Variants in ATP5F1A observed in about 807,000 individuals in gnomAD.
ATP5F1A encodes ATP synthase F(1) complex subunit alpha, mitochondrial.
In ATP5F1A, 24 loss-of-function variants were observed where a neutral mutation model predicts 57.4. That is an observed-to-expected ratio of 0.42 (90% CI 0.30 to 0.59). ATP5F1A has a LOEUF of 0.59. Ranked by LOEUF, ATP5F1A falls within the 20% of genes least tolerant of loss-of-function variation. ATP5F1A has a pLI of 0.19. For missense variants in ATP5F1A, 494 were observed against 707.9 expected, an observed-to-expected ratio of 0.70 and a Z score of 3.43; for synonymous variants, 251 against 255.5, an observed-to-expected ratio of 0.98 and a Z score of 0.17.
rs752749812 is a variant in ATP5F1A, at chr18:46,086,118, T to C, written c.1424A>G (p.Gln475Arg). 4.3e-6 allele frequency: 7 copies of C among 1,612,068 alleles called. No homozygotes were observed. The highest frequency in any genetic ancestry group is 5.1e-6 in the Non-Finnish European group (6 of 1,179,984). ...TGAAGAAAAGAACAACTTACAATAC[T>C]GTCCTTGCTTCAGCAACTCAGTTAG... Reference protein sequence around the residue: ...VRLTELLKQGQYSPMAIEEQV... With the variant: ...VRLTELLKQGRYSPMAIEEQV... The change falls in exon 10 of 12, where the codon CAG (glutamine) becomes CGG (arginine). Residue 475 changes from glutamine (Q) to arginine (R), a missense_variant. By Grantham distance (43) the Gln-to-Arg change is conservative. Around this residue, in one of 6 missense-constraint regions of ATP5F1A, gnomAD observed 127 missense variants for 195.2 expected, o/e 0.65. Coordinates refer to ENST00000398752, the MANE Select transcript of ATP5F1A (RefSeq NM_004046.6).
upstream of ATP5F1A, among the ~76,000 whole-genome samples, chr18:46,100,121 G>A (rs1568257955): frequency 1.3e-5 from 2 of 151,602 alleles, no homozygotes; most frequent in Admixed American, 6.6e-5. Context: ...CATGGGGGCG[G>A]GCACCTGTAA....
Position 46,091,773 on chromosome 18 carries a change from C to T in ATP5F1A, c.218G>A (p.Arg73His). The T allele has an allele frequency of 8.1e-6, 13 of 1,613,932 alleles. No homozygotes were observed. The highest frequency in any genetic ancestry group is 5.5e-5 in the South Asian group (5 of 91,080). The stretch of plus-strand genomic sequence containing the variant: ...AATACCATCACCAATACTTAAGACA[C>T]GCCCAGTTTCTTCAAGATCAACAGA... Reference protein sequence around the residue: ...DTSVDLEETGRVLSIGDGIAR... With the variant: ...DTSVDLEETGHVLSIGDGIAR... Residue 73 changes from arginine to histidine, a missense_variant, in exon 3 of 12, where the codon CGT (arginine) becomes CAT (histidine). Physicochemically the swap from Arg to His is conservative, Grantham distance 29. Around this residue, in one of 6 missense-constraint regions of ATP5F1A, gnomAD observed 142 missense variants for 137.5 expected, o/e 1.03. Coordinates refer to ENST00000398752, the MANE Select transcript of ATP5F1A (RefSeq NM_004046.6).
chr18:46,100,251 T>TAAAAAAAAAAAAAAAAAAA (rs34683117), upstream of ATP5F1A, among the ~76,000 whole-genome samples: 2 of 68,666 alleles, frequency 2.9e-5, no homozygotes, highest in African/African-American at 5.4e-5. Flanking sequence ...AAACTCCATC[T>TAAAAAAAAAAAAAAAAAAA]AAAAAAAAAA....
At chr18:46,089,209 A>G (rs565153176) in intron 5 of ATP5F1A, among the ~76,000 whole-genome samples, 1 of 152,158 alleles carries the variant, frequency 6.6e-6, no homozygotes, top group African/African-American at 2.4e-5. Context: ...TTCTTTCTCT[A>G]TACTTTGTAT....
intron 3 of ATP5F1A, 55 bp from the exon 4 acceptor site, chr18:46,090,051 T>C: frequency 1.5e-6 from 1 of 645,560 alleles, no homozygotes; most frequent in Non-Finnish European, 2.1e-6. Context: ...CTCCTCCCCA[T>C]ACACCAATAC....
rs1909909791 is a variant in ATP5F1A at position 46,084,060 on chromosome 18, C to T, written c.*222G>A. 2 of 403,472 alleles carry T rather than the reference C, an allele frequency of 5.0e-6. No homozygotes were observed. Among genetic ancestry groups the T allele is most frequent in the Non-Finnish European group, 8.8e-6 (2 of 227,878 alleles). The allele number at this position is 403,472 out of a possible 1,614,324, so 25.0% of individuals were successfully genotyped here. ...TAGCCCAGTTGACTGTACCAATATT[C>T]AAGTAAAATAGATCAAGAAGCATTT... On this transcript the variant is annotated 3_prime_UTR_variant, in exon 12 of 12. Transcript: ENST00000398752.
At chr18:46,086,035 T>A in intron 10 of ATP5F1A, 78 bp downstream of exon 10, 1 of 1,481,034 alleles carries the variant, frequency 6.8e-7, no homozygotes. Context: ...GGCCGTGATA[T>A]GTGATGCAGC....
In ATP5F1A at chr18:46,088,269, G is replaced by A. The variant is rs1244766535; in HGVS notation, c.651-12C>T. 1.9e-6 allele frequency: 3 copies of A among 1,564,890 alleles called. No homozygotes were observed. Among genetic ancestry groups the A allele is most frequent in the Non-Finnish European group, 2.6e-6 (3 of 1,164,126 alleles). ...CAATTGAGGTTTTCCTTTAAAAAGAGAAAGTAAATATAAATCTTCCTAAAC... is the reference window on the plus strand; with the variant it reads ...CAATTGAGGTTTTCCTTTAAAAAGAAAAAGTAAATATAAATCTTCCTAAAC... On this transcript the variant is annotated splice_polypyrimidine_tract_variant and intron_variant, in intron 5 of 11. Transcript: ENST00000398752.
At chr18:46,100,430 G>C (rs1005197270), upstream of ATP5F1A, among the ~76,000 whole-genome samples, 1 of 152,072 alleles carries the variant, frequency 6.6e-6, no homozygotes, top group Non-Finnish European at 1.5e-5. Flanking sequence ...CAAACAGATG[G>C]TTAGAGGTTT....
upstream of ATP5F1A, among the ~76,000 whole-genome samples, chr18:46,098,958 G>A (rs568523814): frequency 4.9e-4 from 74 of 152,258 alleles, no homozygotes; most frequent in Non-Finnish European, 8.5e-4. Context: ...ACCGGGGGAG[G>A]GGAGCATCAA....
chr18:46,092,618 T>TAC (rs1910647861), intron 2 of ATP5F1A, among the ~76,000 whole-genome samples: 1 of 19,582 alleles, frequency 5.1e-5, no homozygotes, highest in Non-Finnish European at 1.4e-4. Context: ...ACACAAAAAT[T>TAC]ATATATATAT....
rs1909761406 is a variant in ATP5F1A, at chr18:46,081,693, A to C, written c.*2589T>G. Reference sequence around the variant, plus strand: ...AAAAACAAAAAAAAAAAAAAAAAAAAAAAACGAAATGTGCAGAACCTTCTA... The same window carrying C: ...AAAAACAAAAAAAAAAAAAAAAAAACAAAACGAAATGTGCAGAACCTTCTA... On this transcript the variant is annotated 3_prime_UTR_variant, in exon 12 of 12. Transcript: ENST00000398752. The C allele has an allele frequency of 1.4e-5, 2 of 146,564 alleles. No homozygotes were observed. Among genetic ancestry groups the C allele is most frequent in the Admixed American group, 6.8e-5 (1 of 14,616 alleles). The allele number at this position is 146,564 out of a possible 1,614,324, so 9.1% of individuals were successfully genotyped here.
intron 1 of ATP5F1A, 179 bp downstream of exon 1, chr18:46,097,993 C>G (rs941488174): frequency 1.4e-6 from 2 of 1,411,702 alleles, no homozygotes; most frequent in Non-Finnish European, 9.2e-7. Flanking sequence ...TGCCTCTGCG[C>G]AGGTGACGAG....
At chr18:46,088,949 T>C (rs1317277906) in intron 5 of ATP5F1A, among the ~76,000 whole-genome samples, 1 of 152,020 alleles carries the variant, frequency 6.6e-6, no homozygotes, top group Non-Finnish European at 1.5e-5. Context: ...GAGATGTTTG[T>C]GTAAAGTCAA....
At chr18:46,092,299 A>C (rs1027759169) in intron 2 of ATP5F1A, 3 of 151,098 alleles carry the variant, frequency 2.0e-5, no homozygotes, top group Non-Finnish European at 2.9e-5. Context: ...TGATCATAAT[A>C]ATCCAAATAT....
At chr18:46,090,756 A>G in intron 3 of ATP5F1A, among the ~76,000 whole-genome samples, 1 of 152,218 alleles carries the variant, frequency 6.6e-6, no homozygotes, top group East Asian at 1.9e-4. Flanking sequence ...TTAAAAGATT[A>G]AAAATTCAGT....
At chr18:46,099,644 G>C (rs549260158), upstream of ATP5F1A, among the ~76,000 whole-genome samples, 1 of 151,922 alleles carries the variant, frequency 6.6e-6, no homozygotes, top group Non-Finnish European at 1.5e-5. Flanking sequence ...GGCAGGGCGT[G>C]GGGGGAGGTC....
At position 46,087,458 on chromosome 18, in the gene ATP5F1A, C is replaced by T. The variant is rs763102405; in HGVS notation, c.834G>A (p.Thr278=). The change falls in exon 7 of 12, where the codon ACG becomes ACA. Residue 278 remains threonine, a synonymous_variant. Coordinates refer to ENST00000398752, the MANE Select transcript of ATP5F1A (RefSeq NM_004046.6). ...ACTGAAGTGGGGCAGCATCCGAGGC[C>T]GTAGCCGACACCACAATGGTGTACT... is the stretch of plus-strand genomic sequence containing the variant. ...AMKYTIVVSA[T]ASDAAPLQYL... is the part of the protein sequence containing the mutation. The T allele has an allele frequency of 3.0e-5, 49 of 1,614,028 alleles. 1 individual carries two copies. The highest frequency in any genetic ancestry group is 2.3e-4 in the Admixed American group (14 of 59,984).
intron 2 of ATP5F1A, among the ~76,000 whole-genome samples, chr18:46,093,993 C>G (rs1964984): frequency 0.58 from 88,336 of 151,306 alleles, 26,116 homozygotes; most frequent in African/African-American, 0.69. Context: ...TGTAATCCCA[C>G]CTACTCGGGA....
Sources: allele counts gnomAD v4.1 joint callset (sites outside exome capture counted in the v4.1 genomes callset), GRCh38; gene constraint gnomAD v4.1.1; regional missense constraint gnomAD v4.1.1; transcripts MANE v1.5; gene names NCBI Gene and HGNC (gene_info 2026-07-23, HGNC 2026-07-21).